The following DSCAM variants were observed in gnomAD, a reference collection of about 807,000 sequenced individuals.
DSCAM encodes cell adhesion molecule DSCAM.
In DSCAM, 47 loss-of-function variants were observed where a neutral mutation model predicts 217.7. The observed-to-expected ratio is 0.22, with a 90% confidence interval of 0.17 to 0.28. The LOEUF (loss-of-function observed/expected upper bound fraction) is 0.28, where lower values mean the gene tolerates loss of function less well. DSCAM is among the 10% of genes least tolerant of loss of function. The pLI is 1.00. For missense variants in DSCAM, 2,080 were observed against 2,618.3 expected (o/e 0.79, Z 4.49); for synonymous variants, 1,056 against 1,015.3 (o/e 1.04, Z -0.76).
At chr21:40,352,526 T>C (rs1481137494) in intron 5 of DSCAM, among the ~76,000 whole-genome samples, 2 of 151,688 alleles carry the variant, frequency 1.3e-5, no homozygotes, top group African/African-American at 4.8e-5. Context: ...TAAGGCAGTC[T>C]ACACTCAGGT....
chr21:40,322,253 T>C (rs1282660227), intron 8 of DSCAM, among the ~76,000 whole-genome samples: 3 of 152,140 alleles, frequency 2.0e-5, no homozygotes, highest in South Asian at 2.1e-4. Flanking sequence ...CTGTGGGTTC[T>C]CCCACAGACC....
At chr21:40,542,457 C>A (rs1428357728) in intron 3 of DSCAM, among the ~76,000 whole-genome samples, 2 of 152,182 alleles carry the variant, frequency 1.3e-5, no homozygotes, top group African/African-American at 4.8e-5. Flanking sequence ...CTAACTCCCA[C>A]TGTGATTGTA....
intron 1 of DSCAM, among the ~76,000 whole-genome samples, chr21:40,762,926 C>T (rs2091349622): frequency 6.6e-6 from 1 of 152,108 alleles, no homozygotes; most frequent in African/African-American, 2.4e-5. Flanking sequence ...TAAACTAGGT[C>T]TTGATGGAAC....
chr21:40,829,051 T>C (rs2123632656), intron 1 of DSCAM, among the ~76,000 whole-genome samples: 1 of 152,350 alleles, frequency 6.6e-6, no homozygotes, highest in East Asian at 1.9e-4. Context: ...GTGGGAATAC[T>C]TGAATGCAAC....
At chr21:40,282,293 G>C (rs892951991) in intron 10 of DSCAM, among the ~76,000 whole-genome samples, 8 of 152,016 alleles carry the variant, frequency 5.3e-5, no homozygotes, top group African/African-American at 1.9e-4. Context: ...ATAACTATAA[G>C]ATAGGTAATC....
At chr21:40,429,156 T>C (rs1047833591) in intron 3 of DSCAM, among the ~76,000 whole-genome samples, 2 of 152,230 alleles carry the variant, frequency 1.3e-5, no homozygotes, top group East Asian at 3.8e-4. Context: ...ATGTTTTTCA[T>C]TGCAAACACA....
intron 19 of DSCAM, among the ~76,000 whole-genome samples, chr21:40,126,136 G>A (rs2837438): frequency 0.19 from 28,486 of 152,028 alleles, 3,325 homozygotes; most frequent in East Asian, 0.26. Context: ...TTCTATGACA[G>A]TTAATGGGAC....
chr21:40,201,971 C>G (rs373740886), intron 11 of DSCAM, among the ~76,000 whole-genome samples: 1 of 152,210 alleles, frequency 6.6e-6, no homozygotes, highest in African/African-American at 2.4e-5. Flanking sequence ...GGAATTCAAA[C>G]TCTCCACATT....
chr21:40,587,494 G>C lies in DSCAM; in HGVS notation c.508+105316C>G, dbSNP rs576170176. On this transcript the variant is annotated intron_variant, in intron 3 of 32. Transcript: ENST00000400454. Reference sequence around the variant, plus strand: ...CGTAACTGGCTGCATTACCAAATAAGTGGGAATGCATAGTCTTTATCACAA... The same window carrying C: ...CGTAACTGGCTGCATTACCAAATAACTGGGAATGCATAGTCTTTATCACAA... Among the ~76,000 whole-genome samples, 33 of 152,310 alleles carry C rather than the reference G, an allele frequency of 2.2e-4. No individual in the cohort carries two copies. The South Asian group carries it at 6.2e-3, about 29-fold the overall frequency.
chr21:40,561,420 G>A (rs1483352733), intron 3 of DSCAM, among the ~76,000 whole-genome samples: 2 of 152,204 alleles, frequency 1.3e-5, no homozygotes, highest in Non-Finnish European at 2.9e-5. Context: ...CCGGCAGAAA[G>A]TTCTTAGGAA....
intron 3 of DSCAM, among the ~76,000 whole-genome samples, chr21:40,375,920 T>C (rs1274214581): frequency 6.6e-6 from 1 of 152,348 alleles, no homozygotes; most frequent in East Asian, 1.9e-4. Context: ...TATTCTTATA[T>C]GAAAATGAGC....
chr21:40,398,570 G>C (rs554873415), intron 3 of DSCAM, among the ~76,000 whole-genome samples: 33 of 151,948 alleles, frequency 2.2e-4, no homozygotes, highest in African/African-American at 8.0e-4. Flanking sequence ...CGCTAACTTT[G>C]GAATTATGCA....
rs2088612643 is a variant in DSCAM, at chr21:40,035,902, C to A, written c.5686+6469G>T. Among the ~76,000 whole-genome samples, 2 of 148,478 alleles carry A rather than the reference C, an allele frequency of 1.3e-5. 1 individual carries two copies. The highest frequency in any genetic ancestry group is 5.2e-5 in the African/African-American group (2 of 38,394). ...AACTACATGGAAACTGAACAACCTGCTCCTGAATGACTACTGGGTACATAA... is the reference window on the plus strand; with the variant it reads ...AACTACATGGAAACTGAACAACCTGATCCTGAATGACTACTGGGTACATAA... On this transcript the variant is annotated intron_variant, in intron 32 of 32. Transcript: ENST00000400454.
At chr21:40,503,249 G>A (rs2076183874) in intron 3 of DSCAM, among the ~76,000 whole-genome samples, 1 of 152,184 alleles carries the variant, frequency 6.6e-6, no homozygotes, top group Non-Finnish European at 1.5e-5. Flanking sequence ...TTGGAGCTGA[G>A]GCTCCCATGC....
intron 32 of DSCAM, among the ~76,000 whole-genome samples, chr21:40,036,570 C>T (rs1471498241): frequency 4.1e-5 from 6 of 147,640 alleles, no homozygotes; most frequent in Non-Finnish European, 7.4e-5. Flanking sequence ...GATTCACAGC[C>T]GAATTCTACC....
At chr21:40,745,273 G>A (rs1278729030) in intron 1 of DSCAM, among the ~76,000 whole-genome samples, 1 of 152,236 alleles carries the variant, frequency 6.6e-6, no homozygotes, top group African/African-American at 2.4e-5. Context: ...CCTAAATCTG[G>A]AGAAAAAGGA....
chr21:40,089,425 G>A (rs946426088), intron 21 of DSCAM, among the ~76,000 whole-genome samples: 8 of 152,126 alleles, frequency 5.3e-5, no homozygotes, highest in Non-Finnish European at 8.8e-5. Flanking sequence ...CCTCTGATTC[G>A]GGTCCCGTTT....
intron 28 of DSCAM, among the ~76,000 whole-genome samples, chr21:40,061,195 AT>A (rs2089113379): frequency 6.6e-6 from 1 of 152,170 alleles, no homozygotes; most frequent in South Asian, 2.1e-4. Context: ...TTCCAAAAAA[AT>A]CAAAAGTCCA....
At chr21:40,117,948 TACACAC>T (rs10534527) in intron 20 of DSCAM, among the ~76,000 whole-genome samples, 11 of 150,732 alleles carry the variant, frequency 7.3e-5, no homozygotes, top group Non-Finnish European at 1.0e-4. Flanking sequence ...CCAATACGTG[TACACAC>T]ACACACACAC....
Sources: gnomAD v4.1 joint callset for allele counts (sites outside exome capture counted in the v4.1 genomes callset) on GRCh38, gnomAD v4.1.1 for gene constraint, MANE v1.5 for transcripts, NCBI Gene and HGNC (gene_info 2026-07-23, HGNC 2026-07-21) for gene names.